VEPH1: variants seen among roughly 807,000 people sequenced by gnomAD.
VEPH1 encodes the protein ventricular zone expressed PH domain containing 1, also known as ventricular zone-expressed PH domain-containing protein homolog 1.
Under a neutral mutation model 85.2 loss-of-function variants are expected in VEPH1, and 80 were observed. That is an observed-to-expected ratio of 0.94 (90% confidence interval 0.78 to 1.13). The LOEUF (loss-of-function observed/expected upper bound fraction) is 1.13, where lower values mean the gene tolerates loss of function less well. Among genes scored for constraint, VEPH1 ranks in the 50% most tolerant of loss-of-function variants. VEPH1 has a pLI of 0.00. For synonymous variants in VEPH1, 297 were observed against 348.0 expected, an observed-to-expected ratio of 0.85 and a Z score of 1.63; for missense variants, 955 against 980.5, an observed-to-expected ratio of 0.97 and a Z score of 0.35.
At chr3:157,392,124 A>G (rs913037759) in intron 6 of VEPH1, among the ~76,000 whole-genome samples, 4 of 152,236 alleles carry the variant, frequency 2.6e-5, no homozygotes, top group Non-Finnish European at 4.4e-5. Context: ...GCTAAATAAT[A>G]AAACAAAAAC....
At chr3:157,331,093 T>C (rs1314801887) in intron 9 of VEPH1, among the ~76,000 whole-genome samples, 1 of 152,198 alleles carries the variant, frequency 6.6e-6, no homozygotes, top group African/African-American at 2.4e-5. Flanking sequence ...AGCCAAGAAC[T>C]GCATCTGTCC....
At chr3:157,392,640 T>C (rs1380263875) in intron 6 of VEPH1, among the ~76,000 whole-genome samples, 2 of 151,970 alleles carry the variant, frequency 1.3e-5, no homozygotes, top group African/African-American at 4.8e-5. Flanking sequence ...TCACAAAATA[T>C]CTCATAATGT....
At chr3:157,348,201 A>T (rs1724457257) in intron 9 of VEPH1, among the ~76,000 whole-genome samples, 1 of 152,052 alleles carries the variant, frequency 6.6e-6, no homozygotes, top group African/African-American at 2.4e-5. Flanking sequence ...CCTGCCCCCA[A>T]GCAGGAGGGG....
chr3:157,265,484 A>G (rs3749214), intron 13 of VEPH1, 42 bp downstream of exon 13: 581,008 of 1,590,740 alleles, frequency 0.37, 111,548 homozygotes, highest in Admixed American at 0.65. Context: ...TGGAGATCAA[A>G]ACCTTAAAAA....
At chr3:157,437,843 A>T in intron 4 of VEPH1, 1 of 1,496,274 alleles carries the variant, frequency 6.7e-7, no homozygotes. Flanking sequence ...GCGGTGCTAG[A>T]GGAGCTGCGG....
At chr3:157,413,794 G>T in intron 6 of VEPH1, 87 bp downstream of exon 6, 2 of 1,445,208 alleles carry the variant, frequency 1.4e-6, no homozygotes, top group Non-Finnish European at 1.9e-6. Flanking sequence ...GGACAAATTT[G>T]CACGTCATAA....
chr3:157,332,608 A>G (rs1722609399), intron 9 of VEPH1, among the ~76,000 whole-genome samples: 1 of 152,222 alleles, frequency 6.6e-6, no homozygotes, highest in African/African-American at 2.4e-5. Context: ...ATTCCATCAT[A>G]TGAATATACT....
chr3:157,306,889 G>GTAC (rs1377712411), intron 11 of VEPH1, among the ~76,000 whole-genome samples: 2 of 151,910 alleles, frequency 1.3e-5, no homozygotes, highest in African/African-American at 2.4e-5. Flanking sequence ...ATACCACTCT[G>GTAC]TACGCCTTTA....
chr3:157,460,876 C>A (rs1386019435), intron 3 of VEPH1, among the ~76,000 whole-genome samples: 1 of 151,820 alleles, frequency 6.6e-6, no homozygotes, highest in East Asian at 1.9e-4. Flanking sequence ...AGAGACGGGG[C>A]AGGTAAACAG....
intron 10 of VEPH1, chr3:157,316,161 A>G (rs1720734720): frequency 6.6e-6 from 1 of 152,052 alleles, no homozygotes; most frequent in South Asian, 2.1e-4. Flanking sequence ...GCTTGACTTT[A>G]TCTTATAATG....
intron 13 of VEPH1, 119 bp from the exon 14 acceptor site, chr3:157,261,489 T>G: frequency 6.8e-7 from 1 of 1,480,298 alleles, no homozygotes; most frequent in Non-Finnish European, 9.0e-7. Context: ...CTCAAGACCT[T>G]TGTTATTTTG....
chr3:157,398,915 C>T (rs1333494582), intron 6 of VEPH1, among the ~76,000 whole-genome samples: 1 of 152,092 alleles, frequency 6.6e-6, no homozygotes, highest in Non-Finnish European at 1.5e-5. Context: ...TGGGCCAGCA[C>T]ACCCCAAAAC....
At chr3:157,363,253 TA>T in intron 9 of VEPH1, 110 bp downstream of exon 9, 1 of 1,073,776 alleles carries the variant, frequency 9.3e-7, no homozygotes, top group Non-Finnish European at 1.3e-6. Flanking sequence ...AAAAATGATC[TA>T]TTTTGCAAAA....
At chr3:157,441,262 C>T (rs1334751646) in intron 4 of VEPH1, among the ~76,000 whole-genome samples, 1 of 152,148 alleles carries the variant, frequency 6.6e-6, no homozygotes, top group African/African-American at 2.4e-5. Context: ...AGTTTTACTG[C>T]TTATCAGCTA....
chr3:157,376,182 T>C (rs1465295671), intron 7 of VEPH1, among the ~76,000 whole-genome samples: 1 of 152,170 alleles, frequency 6.6e-6, no homozygotes, highest in Non-Finnish European at 1.5e-5. Context: ...CTCCACAATT[T>C]CCATCCCTCA....
intron 9 of VEPH1, among the ~76,000 whole-genome samples, chr3:157,327,080 C>A (rs1461962789): frequency 6.6e-6 from 1 of 152,116 alleles, no homozygotes; most frequent in Admixed American, 6.6e-5. Context: ...GCATCTCACA[C>A]CAGTGGGCAC....
intron 6 of VEPH1, among the ~76,000 whole-genome samples, chr3:157,398,402 G>A (rs1385381247): frequency 2.0e-5 from 3 of 152,194 alleles, no homozygotes; most frequent in Admixed American, 6.5e-5. Context: ...TTGGGAGGCC[G>A]AGGCGTGTGG....
Position 157,405,887 on chromosome 3 carries a change from C to T in VEPH1, c.906+7994G>A, listed in dbSNP as rs151077365. ...ACCATGTCTTTCTCTCCTCTGTGTC[C>T]CCATCACCAGTACTGGGTCTTACAG... On this transcript the variant is annotated intron_variant, in intron 6 of 13. Coordinates refer to ENST00000362010, the MANE Select transcript of VEPH1 (RefSeq NM_001167912.2). 2.5e-3 allele frequency among the ~76,000 whole-genome samples: 377 copies of T among 152,232 alleles called. 3 individuals are homozygous for T. The highest frequency in any genetic ancestry group is 8.7e-3 in the African/African-American group (362 of 41,558).
At chr3:157,405,057 A>G (rs1648607133) in intron 6 of VEPH1, among the ~76,000 whole-genome samples, 1 of 152,108 alleles carries the variant, frequency 6.6e-6, no homozygotes, top group Non-Finnish European at 1.5e-5. Context: ...ACACCAGTGT[A>G]GGAAAGTCAG....
Sources: allele counts gnomAD v4.1 joint callset (sites outside exome capture counted in the v4.1 genomes callset), GRCh38; gene constraint gnomAD v4.1.1; transcripts MANE v1.5; gene names NCBI Gene and HGNC (gene_info 2026-07-23, HGNC 2026-07-21).